TBC1D2B: variants seen among roughly 807,000 people sequenced by gnomAD.
TBC1D2B encodes the protein TBC1 domain family member 2B.
TBC1D2B carries 64 observed loss-of-function variants against 100.8 expected under a neutral mutation model. The observed-to-expected ratio is 0.64, with a 90% CI of 0.52 to 0.78. The LOEUF (loss-of-function observed/expected upper bound fraction) is 0.78, where lower values mean the gene tolerates loss of function less well. Ranked by LOEUF, TBC1D2B falls within the 30% of genes least tolerant of loss-of-function variation. The pLI, the probability that TBC1D2B is intolerant of heterozygous loss-of-function variation, is 0.00. For synonymous variants in TBC1D2B, 480 were observed against 479.7 expected (o/e 1.00, Z -0.01); for missense variants, 1,052 against 1,218.4 (o/e 0.86, Z 2.03).
At chr15:78,020,443 A>C (rs1277098809) in intron 6 of TBC1D2B, among the ~76,000 whole-genome samples, 2 of 152,256 alleles carry the variant, frequency 1.3e-5, no homozygotes, top group Admixed American at 6.5e-5. Flanking sequence ...CACAGCAACA[A>C]CACCTAACAG....
chr15:78,003,440 C>T lies in TBC1D2B; in HGVS notation c.2439G>A (p.Leu813=). 6.2e-7 allele frequency: 1 copy of T among 1,613,586 alleles called. No homozygotes were observed. Among genetic ancestry groups the T allele is most frequent in the Non-Finnish European group, 8.5e-7 (1 of 1,179,592 alleles). ...RDLMSEKLPR[L]HGHFEQYKVD... ...CTTTGTACTGTTCAAAGTGGCCATG[C>T]AACCGAGGCAGCTTCTCACTCATAA... The change falls in exon 11 of 13, where the codon TTG becomes TTA. Residue 813 remains leucine, a synonymous_variant. Coordinates refer to ENST00000300584, the MANE Select transcript of TBC1D2B (RefSeq NM_144572.2).
rs1368452881 is a variant in TBC1D2B at position 78,077,711 on chromosome 15, C to G, written c.-59G>C. 38 of 984,378 alleles carry G rather than the reference C, an allele frequency of 3.9e-5. No homozygotes were observed. Among genetic ancestry groups the G allele is most frequent in the East Asian group, 2.3e-4 (2 of 8,766 alleles). The allele number at this position is 984,378 out of a possible 1,614,324, so 61.0% of individuals were successfully genotyped here. On this transcript the variant is annotated 5_prime_UTR_variant, in exon 1 of 13. Transcript: ENST00000300584. ...CTGCGCCTCCGCGCCGCGGCCGCTG[C>G]GCCCCCTACCCCCTCCGCACCGCCC...
At chr15:78,027,686 C>T (rs1049842708) in intron 4 of TBC1D2B, among the ~76,000 whole-genome samples, 4 of 152,246 alleles carry the variant, frequency 2.6e-5, no homozygotes, top group Non-Finnish European at 5.9e-5. Flanking sequence ...TAAGCACTCC[C>T]GATTCTTCCT....
In TBC1D2B at chr15:78,005,971, T is replaced by C. The variant is rs558414264; in HGVS notation, c.2389-2481A>G. ...TTGAGTTTTTACAATGTTCTAAGCA[T>C]TACATTCAACTTTTTTTAATGCATC... On this transcript the variant is annotated intron_variant, in intron 10 of 12. Transcript: ENST00000300584. 2.1e-4 allele frequency among the ~76,000 whole-genome samples: 32 copies of C among 152,336 alleles called. 3 individuals are homozygous for C. In the South Asian group the frequency reaches 6.6e-3, roughly 32 times the overall value.
At chr15:78,006,337 C>T (rs1259541636) in intron 10 of TBC1D2B, among the ~76,000 whole-genome samples, 2 of 152,240 alleles carry the variant, frequency 1.3e-5, no homozygotes, top group Non-Finnish European at 2.9e-5. Flanking sequence ...TCCCACCCGA[C>T]TGACTGCTGC....
chr15:78,056,436 A>T (rs1333284723), intron 1 of TBC1D2B, among the ~76,000 whole-genome samples: 1 of 152,232 alleles, frequency 6.6e-6, no homozygotes, highest in Non-Finnish European at 1.5e-5. Flanking sequence ...GCAGGTGCAC[A>T]GTTTGCATAG....
At chr15:78,041,417 G>C (rs2141759970) in intron 3 of TBC1D2B, among the ~76,000 whole-genome samples, 1 of 152,344 alleles carries the variant, frequency 6.6e-6, no homozygotes, top group East Asian at 1.9e-4. Flanking sequence ...CAGTCAGTCA[G>C]TGAGGACCAT....
intron 1 of TBC1D2B, among the ~76,000 whole-genome samples, chr15:78,074,231 C>A (rs1048430410): frequency 6.6e-6 from 1 of 151,900 alleles, no homozygotes; most frequent in Non-Finnish European, 1.5e-5. Flanking sequence ...CCATATTGGC[C>A]AGGCTGGTCT....
chr15:78,015,715 A>T (rs2072355679), intron 8 of TBC1D2B, among the ~76,000 whole-genome samples: 1 of 152,136 alleles, frequency 6.6e-6, no homozygotes. Context: ...GGATAAAAAC[A>T]CTCACCTCAC....
chr15:78,076,622 C>T (rs924664786), intron 1 of TBC1D2B, among the ~76,000 whole-genome samples: 1 of 151,978 alleles, frequency 6.6e-6, no homozygotes, highest in Non-Finnish European at 1.5e-5. Flanking sequence ...CGTGGTGGCC[C>T]GCACCTGTGG....
intron 2 of TBC1D2B, among the ~76,000 whole-genome samples, chr15:78,047,652 C>T (rs547576006): frequency 6.6e-6 from 1 of 152,306 alleles, no homozygotes; most frequent in African/African-American, 2.4e-5. Context: ...AAAGTTCAAA[C>T]ACCACTAATC....
In TBC1D2B at chr15:78,013,263, T is replaced by C. The variant is rs1226408005; in HGVS notation, c.1830A>G (p.Lys610=). 3 of 1,613,850 alleles carry C rather than the reference T, an allele frequency of 1.9e-6. No homozygotes were observed. Among genetic ancestry groups the C allele is most frequent in the East Asian group, 2.2e-5 (1 of 44,900 alleles). Residue 610 remains lysine, a synonymous_variant, in exon 9 of 13, where the codon AAA becomes AAG. Transcript: ENST00000300584. ...RTVPEDDEEE[K]LVAKVRALDL... ...CCAACGCGCGGACCTTGGCAACCAA[T>C]TTCTCTTCCTCATCATCCTCAGGTA... is the stretch of plus-strand genomic sequence containing the variant.
At chr15:78,001,778 C>G in intron 11 of TBC1D2B, 38 bp from the exon 12 acceptor site, 2 of 1,573,802 alleles carry the variant, frequency 1.3e-6, no homozygotes, top group Non-Finnish European at 1.7e-6. Flanking sequence ...GTGGAAAAAC[C>G]CTGTGGGTCC....
At chr15:77,999,591 C>A (rs1052668596) in intron 12 of TBC1D2B, among the ~76,000 whole-genome samples, 6 of 152,186 alleles carry the variant, frequency 3.9e-5, no homozygotes, top group Non-Finnish European at 7.3e-5. Context: ...CCCCAGCAGG[C>A]GGGAGGAGGC....
chr15:78,036,897 T>C (rs1408763725), intron 3 of TBC1D2B, among the ~76,000 whole-genome samples: 4 of 152,162 alleles, frequency 2.6e-5, no homozygotes, highest in Admixed American at 6.5e-5. Context: ...ACGTCCAAAG[T>C]CAGAATATAT....
At chr15:78,030,990 G>T (rs2072793900) in intron 3 of TBC1D2B, among the ~76,000 whole-genome samples, 1 of 152,138 alleles carries the variant, frequency 6.6e-6, no homozygotes, top group Admixed American at 6.5e-5. Context: ...AACACAGCAA[G>T]ATTATTATTC....
At chr15:78,049,219 G>T (rs1233539289) in intron 2 of TBC1D2B, among the ~76,000 whole-genome samples, 2 of 152,202 alleles carry the variant, frequency 1.3e-5, no homozygotes, top group African/African-American at 4.8e-5. Flanking sequence ...CAGTCCATAT[G>T]TCTGGTTAAT....
chr15:78,010,306 G>C (rs2072189727), intron 9 of TBC1D2B, among the ~76,000 whole-genome samples: 1 of 152,100 alleles, frequency 6.6e-6, no homozygotes, highest in Non-Finnish European at 1.5e-5. Flanking sequence ...CAATAGCCCT[G>C]GTATGGCTCC....
At chr15:78,031,827 T>A (rs1208296186) in intron 3 of TBC1D2B, among the ~76,000 whole-genome samples, 1 of 152,080 alleles carries the variant, frequency 6.6e-6, no homozygotes, top group African/African-American at 2.4e-5. Flanking sequence ...CAGGAAACCA[T>A]GGTTTTTGGA....
Sources: gnomAD v4.1 joint callset for allele counts (sites outside exome capture counted in the v4.1 genomes callset) on GRCh38, gnomAD v4.1.1 for gene constraint, MANE v1.5 for transcripts, NCBI Gene and HGNC (gene_info 2026-07-23, HGNC 2026-07-21) for gene names.